The following USP3 variants were observed in gnomAD, a reference collection of about 807,000 sequenced individuals.
USP3 encodes the protein ubiquitin carboxyl-terminal hydrolase 3.
Under a neutral mutation model 72.3 loss-of-function variants are expected in USP3, and 20 were observed. The observed-to-expected ratio is 0.28, with a 90% CI of 0.19 to 0.40. USP3 has a LOEUF of 0.40. Ranked by LOEUF, USP3 falls within the 10% of genes least tolerant of loss-of-function variation. USP3 has a pLI of 1.00. For missense variants in USP3, 479 were observed against 633.9 expected, an observed-to-expected ratio of 0.76 and a Z score of 2.62; for synonymous variants, 222 against 225.3, an observed-to-expected ratio of 0.99 and a Z score of 0.13.
At chr15:63,517,716 AT>A (rs2065870534) in intron 1 of USP3, among the ~76,000 whole-genome samples, 1 of 152,154 alleles carries the variant, frequency 6.6e-6, no homozygotes, top group African/African-American at 2.4e-5. Context: ...CAGAAGTTCC[AT>A]GACTCAGTTG....
At chr15:63,577,798 A>G (rs1340083300) in intron 11 of USP3, among the ~76,000 whole-genome samples, 1 of 152,014 alleles carries the variant, frequency 6.6e-6, no homozygotes, top group Non-Finnish European at 1.5e-5. Flanking sequence ...GCATGGTGGT[A>G]TATGCCTATA....
intron 14 of USP3, among the ~76,000 whole-genome samples, chr15:63,589,915 GACA>G (rs1223113019): frequency 3.3e-5 from 5 of 152,022 alleles, no homozygotes; most frequent in African/African-American, 1.2e-4. Flanking sequence ...ACATTTTTCT[GACA>G]ACTTTTTCGT....
Position 63,591,066 on chromosome 15 carries a change from G to T in USP3, c.*240G>T, listed in dbSNP as rs1027214323. The T allele has an allele frequency of 2.4e-6, 1 of 418,408 alleles. No individual in the cohort carries two copies. Among genetic ancestry groups the T allele is most frequent in the Non-Finnish European group, 4.1e-6 (1 of 241,636 alleles). 25.9% of individuals were successfully genotyped at this position (418,408 alleles called of 1,614,324 possible). A position where few individuals can be genotyped will look rare whatever the true frequency, so the allele number is the denominator to read the frequency against. ...TAGTTGTAATAATTCAATTTTTATA[G>T]GTAGTTGTAAGAACTTAGTCTTATT... On this transcript the variant is annotated 3_prime_UTR_variant, in exon 15 of 15. Coordinates refer to ENST00000380324, the MANE Select transcript of USP3 (RefSeq NM_006537.4).
At position 63,574,145 on chromosome 15, in the gene USP3, A is replaced by G. The variant is rs1187055188; in HGVS notation, c.1008A>G (p.Pro336=). 3 of 1,584,032 alleles carry G rather than the reference A, an allele frequency of 1.9e-6. No homozygotes were observed. The highest frequency in any genetic ancestry group is 2.6e-6 in the Non-Finnish European group (3 of 1,164,976). The change falls in exon 10 of 15, where the codon CCA becomes CCG. Residue 336 remains proline, a synonymous_variant. Transcript: ENST00000380324. This position sits in a 1 kb window ranked among gnomAD's most constrained non-coding sequence, Gnocchi z 4.6. ...GGACAGAATCTAGAAAGTTTGATCC[A>G]TTCCTAGGTAAGATATATGTGGCAT... The part of the protein sequence containing the change: ...ICGTESRKFD[P]FLDLSLDIPS...
intron 7 of USP3, 21 bp downstream of exon 7, chr15:63,559,991 C>T: frequency 6.3e-7 from 1 of 1,596,718 alleles, no homozygotes; most frequent in Non-Finnish European, 8.5e-7. Flanking sequence ...AGAGTATGTC[C>T]TTTCTGGCTT....
Position 63,588,870 on chromosome 15 carries a change from C to T in USP3, c.1329+55C>T. On this transcript the variant is annotated intron_variant, in intron 13 of 14. Transcript: ENST00000380324. The surrounding 1 kb of genome is among the most constrained non-coding windows in gnomAD (Gnocchi z 4.6). ...AAAAATGGCTCTTCAGTAAGATTGT[C>T]ATCACATGGAGAGGGTAGAGGTCAT... is the stretch of plus-strand genomic sequence containing the variant. The T allele has an allele frequency of 6.2e-7, 1 of 1,609,438 alleles. No homozygotes were observed. The highest frequency in any genetic ancestry group is 8.5e-7 in the Non-Finnish European group (1 of 1,175,826).
At chr15:63,506,025 T>C (rs1306650099) in intron 1 of USP3, among the ~76,000 whole-genome samples, 1 of 152,194 alleles carries the variant, frequency 6.6e-6, no homozygotes, top group Non-Finnish European at 1.5e-5. Flanking sequence ...AAGAAAAATG[T>C]ACTCTGGGAT....
intron 6 of USP3, among the ~76,000 whole-genome samples, chr15:63,559,146 G>C (rs559428558): frequency 2.3e-4 from 35 of 152,276 alleles, no homozygotes; most frequent in African/African-American, 8.2e-4. Flanking sequence ...CAGAAGCTTA[G>C]CGTTCCAATA....
chr15:63,546,491 C>T (rs1400661113), intron 3 of USP3, among the ~76,000 whole-genome samples: 1 of 152,112 alleles, frequency 6.6e-6, no homozygotes, highest in African/African-American at 2.4e-5. Context: ...AAATTTTTTT[C>T]CCAGTGTCTG....
intron 9 of USP3, among the ~76,000 whole-genome samples, chr15:63,573,412 A>G (rs773223093): frequency 6.6e-6 from 1 of 152,200 alleles, no homozygotes; most frequent in Non-Finnish European, 1.5e-5. Context: ...TTAAAACAGT[A>G]TATTCTTCAT....
At position 63,591,006 on chromosome 15, in the gene USP3, C is replaced by T. The variant is rs138044573; in HGVS notation, c.*180C>T. ...CCAACTAATTTTGTTGTTGTTCTAC[C>T]AGAAAACCTCAGCAGATGTTTTGAT... On this transcript the variant is annotated 3_prime_UTR_variant, in exon 15 of 15. Transcript: ENST00000380324. 7.4e-5 allele frequency: 48 copies of T among 651,716 alleles called. No homozygotes were observed. The African/African-American group carries it at 7.9e-4, about 11-fold the overall frequency. The allele number at this position is 651,716 out of a possible 1,614,324, so 40.4% of individuals were successfully genotyped here.
rs1217538062 is a variant in USP3, at chr15:63,553,465, A to C, written c.285-250A>C. The stretch of plus-strand genomic sequence containing the variant: ...ACATGTAGCAGCTTATTTCATTTTC[A>C]AAGGAGGAATTGAAGAGCTTTTGAG... On this transcript the variant is annotated intron_variant, in intron 3 of 14. Coordinates refer to ENST00000380324, the MANE Select transcript of USP3 (RefSeq NM_006537.4). This position sits in a 1 kb window ranked among gnomAD's most constrained non-coding sequence, Gnocchi z 4.2. 5.0e-5 allele frequency: 16 copies of C among 319,524 alleles called. No individual in the cohort carries two copies. The East Asian group carries it at 8.6e-4, about 17-fold the overall frequency. 19.8% of individuals were successfully genotyped at this position (319,524 alleles called of 1,614,324 possible). A position where few individuals can be genotyped will look rare whatever the true frequency, so the allele number is the denominator to read the frequency against.
intron 11 of USP3, among the ~76,000 whole-genome samples, chr15:63,579,109 T>C (rs2066912547): frequency 6.6e-6 from 1 of 152,068 alleles, no homozygotes; most frequent in South Asian, 2.1e-4. Context: ...CAATAAAAAC[T>C]CAAAAGTACT....
At chr15:63,505,204 C>G (rs1486121050) in intron 1 of USP3, among the ~76,000 whole-genome samples, 1 of 151,974 alleles carries the variant, frequency 6.6e-6, no homozygotes, top group Non-Finnish European at 1.5e-5. Flanking sequence ...GGCGGGTGTC[C>G]GGCCCCCGAG....
intron 1 of USP3, among the ~76,000 whole-genome samples, chr15:63,514,454 G>A (rs764893118): frequency 2.0e-5 from 3 of 152,126 alleles, no homozygotes; most frequent in Non-Finnish European, 4.4e-5. Context: ...CAGAGTATAC[G>A]TATTTGCCAA....
At position 63,544,608 on chromosome 15, in the gene USP3, C is replaced by A; in HGVS notation, c.284+7452C>A. On this transcript the variant is annotated intron_variant, in intron 3 of 14. Transcript: ENST00000380324. The surrounding 1 kb of genome is among the most constrained non-coding windows in gnomAD (Gnocchi z 4.2). ...ATTTTAGGACAAGAAAACGATTGAG[C>A]CATGCTGTGTGTTTTCATTTTTGGA... 1 of 678,422 alleles carries A rather than the reference C, an allele frequency of 1.5e-6. No individual in the cohort carries two copies. The highest frequency in any genetic ancestry group is 2.2e-5 in the Admixed American group (1 of 46,404). 42.0% of individuals were successfully genotyped at this position (678,422 alleles called of 1,614,324 possible).
intron 11 of USP3, among the ~76,000 whole-genome samples, chr15:63,582,501 A>T (rs150412362): frequency 6.6e-6 from 1 of 152,246 alleles, no homozygotes; most frequent in Non-Finnish European, 1.5e-5. Flanking sequence ...GGGTTTGAAA[A>T]ACCAGGCTCA....
At chr15:63,525,800 G>C (rs1290712187) in intron 1 of USP3, among the ~76,000 whole-genome samples, 1 of 152,152 alleles carries the variant, frequency 6.6e-6, no homozygotes, top group Admixed American at 6.5e-5. Context: ...ATATGTACTG[G>C]AATGTTTATA....
chr15:63,579,416 A>G (rs2066917110), intron 11 of USP3, among the ~76,000 whole-genome samples: 1 of 152,240 alleles, frequency 6.6e-6, no homozygotes, highest in African/African-American at 2.4e-5. Context: ...CTAATGTAAA[A>G]TATTTATGCA....
Sources: allele counts gnomAD v4.1 joint callset (sites outside exome capture counted in the v4.1 genomes callset), GRCh38; gene constraint gnomAD v4.1.1; non-coding constraint Gnocchi (gnomAD v3.1); transcripts MANE v1.5; gene names NCBI Gene and HGNC (gene_info 2026-07-23, HGNC 2026-07-21).